Variants in ARFGEF2 observed in about 807,000 individuals in gnomAD.
ARFGEF2 encodes ARF guanine nucleotide exchange factor 2, also known as brefeldin A-inhibited guanine nucleotide-exchange protein 2.
A neutral mutation model predicts 219.9 loss-of-function variants in ARFGEF2; 74 were observed. The observed-to-expected ratio is 0.34, with a 90% CI of 0.28 to 0.41. The LOEUF is 0.41. Among genes scored for constraint, ARFGEF2 ranks in the 10% least tolerant of loss-of-function variants. The pLI is 1.00. For missense variants in ARFGEF2, 1,743 were observed against 2,218.3 expected, an observed-to-expected ratio of 0.79 and a Z score of 4.30; for synonymous variants, 733 against 799.2, an observed-to-expected ratio of 0.92 and a Z score of 1.40.
chr20:48,986,776 T>C (rs1261121460), intron 16 of ARFGEF2, among the ~76,000 whole-genome samples: 2 of 152,200 alleles, frequency 1.3e-5, no homozygotes, highest in Non-Finnish European at 2.9e-5. Context: ...CACAGATCAC[T>C]GCAGCCTGGA....
chr20:49,011,869 T>TC (rs2091500829), intron 27 of ARFGEF2, 55 bp from the exon 28 acceptor site: 2 of 1,606,056 alleles, frequency 1.2e-6, no homozygotes, highest in Non-Finnish European at 1.7e-6. Flanking sequence ...GTGCATTTTT[T>TC]CATCCCCATT....
intron 1 of ARFGEF2, among the ~76,000 whole-genome samples, chr20:48,922,947 A>G (rs2090852752): frequency 1.3e-5 from 2 of 152,256 alleles, no homozygotes; most frequent in African/African-American, 4.8e-5. Flanking sequence ...GTATTTTGGA[A>G]TACTGATAAA....
At chr20:48,984,915 A>G in intron 15 of ARFGEF2, 75 bp downstream of exon 15, 1 of 1,608,870 alleles carries the variant, frequency 6.2e-7, no homozygotes, top group Non-Finnish European at 8.5e-7. Context: ...TTTAACCTCG[A>G]GATTGTCTGG....
At chr20:48,964,995 A>G (rs2091178993) in intron 7 of ARFGEF2, among the ~76,000 whole-genome samples, 1 of 152,244 alleles carries the variant, frequency 6.6e-6, no homozygotes, top group South Asian at 2.1e-4. Flanking sequence ...TACAGAGGTC[A>G]AGATTTGAAA....
At chr20:48,941,724 A>G in intron 2 of ARFGEF2, 140 bp from the exon 3 acceptor site, 2 of 1,242,346 alleles carry the variant, frequency 1.6e-6, no homozygotes, top group Non-Finnish European at 2.3e-6. Context: ...TTGCTAATGC[A>G]TGTATTCAAC....
intron 6 of ARFGEF2, among the ~76,000 whole-genome samples, chr20:48,958,595 C>G (rs1459449888): frequency 1.4e-5 from 2 of 142,828 alleles, no homozygotes; most frequent in Non-Finnish European, 3.0e-5. Context: ...CGCCACTACG[C>G]CTGGCTAATT....
At chr20:48,959,554 C>T in intron 6 of ARFGEF2, among the ~76,000 whole-genome samples, 1 of 76,342 alleles carries the variant, frequency 1.3e-5, no homozygotes, top group Admixed American at 1.3e-4. Flanking sequence ...TCCCTCCTTC[C>T]TTCCCTCCCT....
In ARFGEF2 at chr20:48,999,699, A is replaced by G. The variant is rs373845813; in HGVS notation, c.3432+1194A>G. ...GAGGCAGAGCTTGCAGTGAGCTGAG[A>G]TCGTGCCACTGCCCTCCAGCCTGGG... On this transcript the variant is annotated intron_variant, in intron 25 of 38. Coordinates refer to ENST00000371917, the MANE Select transcript of ARFGEF2 (RefSeq NM_006420.3). 1.0e-4 allele frequency among the ~76,000 whole-genome samples: 15 copies of G among 149,228 alleles called. 1 individual carries two copies. The highest frequency in any genetic ancestry group is 8.5e-4 in the South Asian group (4 of 4,688).
intron 7 of ARFGEF2, 48 bp from the exon 8 acceptor site, chr20:48,965,824 G>T: frequency 1.2e-6 from 2 of 1,611,548 alleles, no homozygotes; most frequent in African/African-American, 1.3e-5. Context: ...AGCCCTTTAG[G>T]GTAAGTACAG....
chr20:49,019,005 C>T lies in ARFGEF2; in HGVS notation c.4624+7C>T. The T allele has an allele frequency of 6.2e-7, 1 of 1,606,004 alleles. No individual in the cohort carries two copies. The highest frequency in any genetic ancestry group is 8.5e-7 in the Non-Finnish European group (1 of 1,173,198). On this transcript the variant is annotated splice_region_variant and intron_variant, in intron 34 of 38. Coordinates refer to ENST00000371917, the MANE Select transcript of ARFGEF2 (RefSeq NM_006420.3). ...AAGGGTAGACCATACGCAAGTAAGG[C>T]CACTTTTTAATTTGTTTTAAATAAG...
intron 25 of ARFGEF2, among the ~76,000 whole-genome samples, 190 bp from the exon 26 acceptor site, chr20:49,004,880 T>C (rs1288363467): frequency 6.6e-6 from 1 of 152,256 alleles, no homozygotes; most frequent in African/African-American, 2.4e-5. Context: ...TATGCAATAC[T>C]GATTTCGTCA....
At chr20:49,000,630 C>G (rs368526876) in intron 25 of ARFGEF2, among the ~76,000 whole-genome samples, 3 of 152,178 alleles carry the variant, frequency 2.0e-5, no homozygotes, top group Non-Finnish European at 4.4e-5. Context: ...TGAATCATTG[C>G]GACTACTGTA....
intron 25 of ARFGEF2, among the ~76,000 whole-genome samples, chr20:49,002,608 ATTAT>A (rs79397767): frequency 3.3e-5 from 5 of 151,886 alleles, no homozygotes; most frequent in East Asian, 1.9e-4. Context: ...GGCTGACTTT[ATTAT>A]TTATTTATTT....
intron 6 of ARFGEF2, among the ~76,000 whole-genome samples, chr20:48,957,896 AAT>A (rs2091114928): frequency 6.6e-6 from 1 of 152,192 alleles, no homozygotes; most frequent in South Asian, 2.1e-4. Context: ...CCTATTAAGG[AAT>A]ATGAGTTATA....
chr20:48,989,441 G>A lies in ARFGEF2; in HGVS notation c.2685+5G>A. Reference sequence around the variant, plus strand: ...CATGTCCGGCCAATGTTCAAAGTGAGTATCCTGAGAACTTAGCAAGCATGT... The same window carrying A: ...CATGTCCGGCCAATGTTCAAAGTGAATATCCTGAGAACTTAGCAAGCATGT... On this transcript the variant is annotated splice_donor_5th_base_variant and intron_variant, in intron 19 of 38. Transcript: ENST00000371917. The A allele has an allele frequency of 6.2e-7, 1 of 1,614,270 alleles. No individual in the cohort carries two copies. The highest frequency in any genetic ancestry group is 8.5e-7 in the Non-Finnish European group (1 of 1,180,044).
intron 32 of ARFGEF2, 47 bp from the exon 33 acceptor site, chr20:49,017,449 G>C: frequency 6.2e-7 from 1 of 1,612,656 alleles, no homozygotes; most frequent in Non-Finnish European, 8.5e-7. Flanking sequence ...TAAAGCTCCT[G>C]ATTGCCTTTC....
intron 6 of ARFGEF2, among the ~76,000 whole-genome samples, chr20:48,962,822 G>C (rs1199101634): frequency 6.6e-6 from 1 of 152,138 alleles, no homozygotes; most frequent in African/African-American, 2.4e-5. Flanking sequence ...TGGTGGCTGG[G>C]TTGAAAATTC....
At chr20:48,967,081 A>G (rs1294892585) in intron 8 of ARFGEF2, among the ~76,000 whole-genome samples, 1 of 152,196 alleles carries the variant, frequency 6.6e-6, no homozygotes, top group African/African-American at 2.4e-5. Context: ...ACTAGGCTCA[A>G]GCAATCTGCC....
intron 15 of ARFGEF2, among the ~76,000 whole-genome samples, chr20:48,985,090 T>G (rs2091319501): frequency 6.6e-6 from 1 of 151,824 alleles, no homozygotes; most frequent in African/African-American, 2.4e-5. Flanking sequence ...TGGAAGAGAG[T>G]CAGAGCTGGA....
Sources: allele counts gnomAD v4.1 joint callset (sites outside exome capture counted in the v4.1 genomes callset), GRCh38; gene constraint gnomAD v4.1.1; transcripts MANE v1.5; gene names NCBI Gene and HGNC (gene_info 2026-07-23, HGNC 2026-07-21).